The following DYNC2H1 variants were observed in gnomAD, a reference collection of about 807,000 sequenced individuals.
The protein encoded by DYNC2H1 is dynein cytoplasmic 2 heavy chain 1.
In DYNC2H1, 410 loss-of-function variants were observed where a neutral mutation model predicts 570.0. The observed-to-expected ratio is 0.72, with a 90% CI of 0.66 to 0.78. The LOEUF (loss-of-function observed/expected upper bound fraction) is 0.78. Ranked by LOEUF, DYNC2H1 falls within the 30% of genes least tolerant of loss-of-function variation. The pLI is 0.00. For synonymous variants in DYNC2H1, 1,688 were observed against 1,677.6 expected (o/e 1.01, Z -0.15); for missense variants, 4,865 against 5,046.4 (o/e 0.96, Z 1.09).
rs199566086 is a variant in DYNC2H1, at chr11:103,479,253, G to A, written c.12924G>A (p.Ter4308=). The part of the protein sequence containing the change: ...CGAALFLKNQ[*] ...CAGCTCTATTCCTAAAAAATCAGTA[G>A]AATCTAATGACAACAAAAGCCATCT... Residue 4308 remains the stop codon, a stop_retained_variant, in exon 89 of 89, where the codon TAG becomes TAA. Transcript: ENST00000375735. The A allele has an allele frequency of 1.2e-6, 2 of 1,607,718 alleles. No individual in the cohort carries two copies. The highest frequency in any genetic ancestry group is 3.4e-5 in the Admixed American group (2 of 59,326).
Position 103,114,157 on chromosome 11 carries a change from C to G in DYNC2H1, c.421C>G (p.Leu141Val). Residue 141 changes from leucine (L) to valine (V), a missense_variant, in exon 3 of 89, where the codon CTA (leucine) becomes GTA (valine). This residue lies in a region of DYNC2H1 where 1,936 missense variants were observed against 1,962.1 expected (regional missense o/e 0.99). Coordinates refer to ENST00000375735, the MANE Select transcript of DYNC2H1 (RefSeq NM_001377.3). ...CAAACTTCAGAATCTTTTGAGTGAA[C>G]TAGAAGCTGGGTTGGGTATAGTTCT... ...DPKLQNLLSE[L>V]EAGLGIVLRR... is the part of the protein sequence containing the mutation. 6.2e-7 allele frequency: 1 copy of G among 1,608,626 alleles called. No homozygotes were observed. Among genetic ancestry groups the G allele is most frequent in the Non-Finnish European group, 8.5e-7 (1 of 1,177,198 alleles).
Position 103,188,661 on chromosome 11 carries a change from G to A in DYNC2H1, c.7292+13G>A, listed in dbSNP as rs1398795058. The A allele has an allele frequency of 6.0e-6, 9 of 1,499,628 alleles. No homozygotes were observed. The highest frequency in any genetic ancestry group is 8.0e-6 in the Non-Finnish European group (9 of 1,119,836). The allele number at this position is 1,499,628 out of a possible 1,614,324, so 92.9% of individuals were successfully genotyped here. A position where few individuals can be genotyped will look rare whatever the true frequency, so the allele number is the denominator to read the frequency against. ...TTTGTTCTATAGAGTATGTATCTTT[G>A]TGTTTCAGATTTTTTAATTTGGGAA... On this transcript the variant is annotated intron_variant, in intron 44 of 88. Transcript: ENST00000375735.
intron 17 of DYNC2H1, among the ~76,000 whole-genome samples, chr11:103,140,840 A>C (rs912312959): frequency 3.3e-5 from 5 of 151,986 alleles, no homozygotes; most frequent in Admixed American, 2.0e-4. Context: ...TTTCAGGTAC[A>C]CCCATCAGAC....
rs767012845 is a variant in DYNC2H1, at chr11:103,321,853, TAA to T, written c.11934+617_11934+618del. Among the ~76,000 whole-genome samples the T allele has an allele frequency of 2.2e-4, 33 of 152,220 alleles. No individual in the cohort carries two copies. The East Asian group carries it at 5.8e-3, about 27-fold the overall frequency. The stretch of plus-strand genomic sequence containing the variant: ...ATTTTGCCATAAACCTATCTGTGTA[TAA>T]GTGTGCAAATAATTCTTTATTAGAG... On this transcript the variant is annotated intron_variant, in intron 81 of 88. Coordinates refer to ENST00000375735, the MANE Select transcript of DYNC2H1 (RefSeq NM_001377.3).
rs992167387 is a variant in DYNC2H1, at chr11:103,129,638, C to A, written c.1953+633C>A. ...GGTGGAGGTTGCAGTGGGTCGAGAT[C>A]GTGCCACTGCACTCTAGCCTGGGAG... On this transcript the variant is annotated intron_variant, in intron 13 of 88. Transcript: ENST00000375735. The surrounding 1 kb of genome is among the most constrained non-coding windows in gnomAD (Gnocchi z 4.1). Among the ~76,000 whole-genome samples the A allele has an allele frequency of 3.3e-5, 5 of 151,402 alleles. No individual in the cohort carries two copies. The highest frequency in any genetic ancestry group is 1.5e-5 in the Non-Finnish European group (1 of 67,904).
In DYNC2H1 at chr11:103,198,030, A is replaced by G. The variant is rs1187107545; in HGVS notation, c.7806A>G (p.Leu2602=). 1.7e-5 allele frequency: 26 copies of G among 1,553,236 alleles called. No individual in the cohort carries two copies. The highest frequency in any genetic ancestry group is 2.3e-5 in the Non-Finnish European group (26 of 1,147,572). The change falls in exon 48 of 89, where the codon CTA becomes CTG. Residue 2602 remains leucine (L), a synonymous_variant. Coordinates refer to ENST00000375735, the MANE Select transcript of DYNC2H1 (RefSeq NM_001377.3). ...CACATGGAAAACCACTTGGAAAACT[A>G]AACTCTACTGATCTCAAGGATGTTA... ...LPPHGKPLGK[L]NSTDLKDVIK... is the part of the protein sequence containing the mutation.
chr11:103,189,676 C>G lies in DYNC2H1; in HGVS notation c.7297C>G (p.Pro2433Ala), dbSNP rs1862217749. ...CTTATATGCCATTTTTTTTAGTTAC[C>G]CAGAAAGAGAGCAGTTACAAACGAT... is the stretch of plus-strand genomic sequence containing the variant. ...SIVRLCSIDY[P>A]EREQLQTIYG... Residue 2433 changes from proline (P) to alanine (A), a missense_variant, in exon 45 of 89, where the codon CCA (proline) becomes GCA (alanine). Physicochemically the swap from Pro to Ala is conservative, Grantham distance 27 (BLOSUM62 -1). This residue lies in a region of DYNC2H1 where 2,401 missense variants were observed against 2,454.6 expected (regional missense o/e 0.98). Coordinates refer to ENST00000375735, the MANE Select transcript of DYNC2H1 (RefSeq NM_001377.3). The surrounding 1 kb of genome is among the most constrained non-coding windows in gnomAD (Gnocchi z 4.3). 2 of 1,610,010 alleles carry G rather than the reference C, an allele frequency of 1.2e-6. No homozygotes were observed. Among genetic ancestry groups the G allele is most frequent in the South Asian group, 1.1e-5 (1 of 90,578 alleles).
At position 103,158,963 on chromosome 11, in the gene DYNC2H1, A is replaced by G. The variant is rs1017027304; in HGVS notation, c.4314A>G (p.Leu1438=). The G allele has an allele frequency of 5.0e-6, 8 of 1,613,446 alleles. No individual in the cohort carries two copies. The highest frequency in any genetic ancestry group is 5.9e-6 in the Non-Finnish European group (7 of 1,179,748). Residue 1438 remains leucine (L), a synonymous_variant, in exon 28 of 89, where the codon TTA becomes TTG. Transcript: ENST00000375735. The part of the protein sequence containing the change: ...RFYFIGDDDL[L]EILGQSTNPS... ...ATTTTATTGGTGATGATGACTTATT[A>G]GAAATATTGGGCCAGTCTACCAACC...
chr11:103,235,626 G>C (rs756920807), intron 61 of DYNC2H1, 46 bp from the exon 62 acceptor site: 1 of 1,542,456 alleles, frequency 6.5e-7, no homozygotes, highest in Non-Finnish European at 8.7e-7. Flanking sequence ...TTTAATGTTA[G>C]AACATACTCA....
intron 80 of DYNC2H1, among the ~76,000 whole-genome samples, chr11:103,318,326 G>C (rs1240201129): frequency 6.6e-6 from 1 of 152,016 alleles, no homozygotes; most frequent in Non-Finnish European, 1.5e-5. Context: ...ATCTTCCCCT[G>C]TTCCTGAGGT....
rs2514407 is a variant in DYNC2H1 at position 103,358,546 on chromosome 11, T to C, written c.12156+187T>C. On this transcript the variant is annotated intron_variant, in intron 83 of 88. Coordinates refer to ENST00000375735, the MANE Select transcript of DYNC2H1 (RefSeq NM_001377.3). ...AGTTAGTATTTTTTACTCTCTCTTT[T>C]ATGAAATAGATCTTTCCTTATCTTT... 0.33 allele frequency among the ~76,000 whole-genome samples: 50,296 copies of C among 152,118 alleles called. 10,011 individuals are homozygous for C. Among genetic ancestry groups the C allele is most frequent in the Non-Finnish European group, 0.44 (30,210 of 67,976 alleles).
At chr11:103,220,836 T>G in intron 57 of DYNC2H1, 53 bp downstream of exon 57, 1 of 1,495,650 alleles carries the variant, frequency 6.7e-7, no homozygotes, top group Non-Finnish European at 9.1e-7. Flanking sequence ...TGACACATTC[T>G]TTCGTAGTTT....
At chr11:103,152,824 A>G (rs1420787930) in intron 21 of DYNC2H1, among the ~76,000 whole-genome samples, 2 of 152,152 alleles carry the variant, frequency 1.3e-5, no homozygotes, top group Non-Finnish European at 2.9e-5. Flanking sequence ...AGAAAAAGGC[A>G]GCATCTGTCT....
chr11:103,406,214 TAA>T (rs1172280562), intron 84 of DYNC2H1: 1 of 152,022 alleles, frequency 6.6e-6, no homozygotes, highest in African/African-American at 2.4e-5. Flanking sequence ...CCTAAATTTC[TAA>T]GTTATGATTA....
Position 103,415,969 on chromosome 11 carries a change from C to T in DYNC2H1, c.12366+16097C>T, listed in dbSNP as rs184277557. 2.0e-5 allele frequency among the ~76,000 whole-genome samples: 3 copies of T among 152,218 alleles called. No individual in the cohort carries two copies. The East Asian group carries it at 5.8e-4, about 29-fold the overall frequency. ...TATACACCATGGAATACTATGCAGA[C>T]ATAAAAAGGATGAGTTCATGTCCTC... On this transcript the variant is annotated intron_variant, in intron 84 of 88. Coordinates refer to ENST00000375735, the MANE Select transcript of DYNC2H1 (RefSeq NM_001377.3).
At chr11:103,335,704 T>A (rs1030000375) in intron 82 of DYNC2H1, among the ~76,000 whole-genome samples, 1 of 152,134 alleles carries the variant, frequency 6.6e-6, no homozygotes, top group African/African-American at 2.4e-5. Context: ...TTTTCCCATA[T>A]ACAGTTCATT....
Position 103,435,991 on chromosome 11 carries a change from C to A in DYNC2H1, c.12415C>A (p.Gln4139Lys). The change falls in exon 85 of 89, where the codon CAA becomes AAA. Residue 4139 changes from glutamine to lysine, a missense_variant. Gln to Lys is a moderately conservative substitution (Grantham distance 53). This residue lies in a region of DYNC2H1 where 2,401 missense variants were observed against 2,454.6 expected (regional missense o/e 0.98). Coordinates refer to ENST00000375735, the MANE Select transcript of DYNC2H1 (RefSeq NM_001377.3). ...GTGGGAAGGCCCAGAAGATCCCTTA[C>A]AATACCTGAGAGGTCTTGTTGCCCG... ...SKWEGPEDPL[Q>K]YLRGLVARAL... 1 of 1,612,676 alleles carries A rather than the reference C, an allele frequency of 6.2e-7. No individual in the cohort carries two copies.
intron 36 of DYNC2H1, among the ~76,000 whole-genome samples, 159 bp downstream of exon 36, chr11:103,174,329 G>A (rs1217677212): frequency 6.6e-6 from 1 of 152,070 alleles, no homozygotes; most frequent in Admixed American, 6.6e-5. Context: ...CATTAGTGTG[G>A]TATATTTGTC....
chr11:103,255,344 T>G, intron 66 of DYNC2H1, 71 bp from the exon 67 acceptor site: 1 of 1,487,090 alleles, frequency 6.7e-7, no homozygotes. Context: ...ACACAAGGCC[T>G]GTTTGCAGGA....
Sources: allele counts gnomAD v4.1 joint callset (sites outside exome capture counted in the v4.1 genomes callset), GRCh38; gene constraint gnomAD v4.1.1; regional missense constraint gnomAD v4.1.1; non-coding constraint Gnocchi (gnomAD v3.1); transcripts MANE v1.5; gene names NCBI Gene and HGNC (gene_info 2026-07-23, HGNC 2026-07-21).